Variants in MUC6 observed in about 807,000 individuals in gnomAD.
MUC6 encodes mucin-6.
MUC6 carries 188 observed loss-of-function variants against 201.5 expected under a neutral mutation model. The observed-to-expected ratio is 0.93, with a 90% CI of 0.83 to 1.05. MUC6 has a LOEUF of 1.05. Ranked by LOEUF, MUC6 falls within the 50% of genes least tolerant of loss-of-function variation. The pLI is 0.00. For synonymous variants in MUC6, 1,228 were observed against 1,389.4 expected, an observed-to-expected ratio of 0.88 and a Z score of 2.58; for missense variants, 2,706 against 3,256.9, an observed-to-expected ratio of 0.83 and a Z score of 4.12.
At chr11:1,019,054 G>A (rs1480979827) in intron 30 of MUC6, among the ~76,000 whole-genome samples, 1 of 152,258 alleles carries the variant, frequency 6.6e-6, no homozygotes, top group Non-Finnish European at 1.5e-5. Flanking sequence ...TGTGGCCGTG[G>A]TGGTGGCCCC....
Position 1,033,005 on chromosome 11 carries a change from G to A in MUC6, c.115+8C>T, listed in dbSNP as rs567803308. The A allele has an allele frequency of 5.7e-6, 9 of 1,588,376 alleles. No individual in the cohort carries two copies. The highest frequency in any genetic ancestry group is 2.6e-6 in the Non-Finnish European group (3 of 1,160,680). On this transcript the variant is annotated splice_region_variant and intron_variant, in intron 2 of 32. Coordinates refer to ENST00000421673, the MANE Select transcript of MUC6 (RefSeq NM_005961.3). The surrounding 1 kb of genome is among the most constrained non-coding windows in gnomAD (Gnocchi z 5.6). ...GGGCGGCAGGATCAGTGGCCGCTGT[G>A]TTCTTACCTGTCTGTGGAGAGTCCT... is the stretch of plus-strand genomic sequence containing the variant.
rs369767214 is a variant in MUC6, at chr11:1,018,764, G to A, written c.4037C>T (p.Ser1346Leu). 1.1e-5 allele frequency: 17 copies of A among 1,559,524 alleles called. No individual in the cohort carries two copies. The highest frequency in any genetic ancestry group is 2.3e-5 in the East Asian group (1 of 44,368). The stretch of plus-strand genomic sequence containing the variant: ...TGTTCCTGGCAGTTCCTGATTGGTC[G>A]ATTTTGCTGTGGGAATTGGTGAAGT... ...TSGTSPTLPK[S>L]TNQELPGTTA... is the part of the protein sequence containing the mutation. Residue 1346 changes from serine to leucine, a missense_variant, in exon 31 of 33, where the codon TCG (serine) becomes TTG (leucine). By Grantham distance (145) the Ser-to-Leu change is moderately radical. This residue lies in a region of MUC6 where 1,850 missense variants were observed against 1,958.3 expected (regional missense o/e 0.94). Coordinates refer to ENST00000421673, the MANE Select transcript of MUC6 (RefSeq NM_005961.3).
chr11:1,031,268 G>A lies in MUC6; in HGVS notation c.484-9C>T. On this transcript the variant is annotated splice_polypyrimidine_tract_variant and intron_variant, in intron 4 of 32. Transcript: ENST00000421673. ...TTCCGCTCCACCAGAACCTGCGGGA[G>A]ACGGCTCTGCTGGGGGCCCGGGGGC... 6.4e-7 allele frequency: 1 copy of A among 1,558,876 alleles called. No individual in the cohort carries two copies. The highest frequency in any genetic ancestry group is 2.4e-5 in the East Asian group (1 of 41,326).
At chr11:1,015,629 T>G in intron 31 of MUC6, 133 bp downstream of exon 31, 3 of 1,372,300 alleles carry the variant, frequency 2.2e-6, no homozygotes, top group Non-Finnish European at 1.9e-6. Flanking sequence ...CTGGCAGGTG[T>G]GTAGGGAAGG....
intron 18 of MUC6, 35 bp downstream of exon 18, chr11:1,027,106 C>G (rs1458156396): frequency 6.2e-7 from 1 of 1,611,408 alleles, no homozygotes; most frequent in Non-Finnish European, 8.5e-7. Flanking sequence ...GGGCCCCTCA[C>G]AGTCCCAGCC....
intron 26 of MUC6, 90 bp from the exon 27 acceptor site, chr11:1,021,367 G>C: frequency 1.7e-6 from 1 of 605,814 alleles, no homozygotes; most frequent in South Asian, 3.6e-5. Context: ...CTTCCTCTCT[G>C]CTTTTTTTTT....
Position 1,027,413 on chromosome 11 carries a change from C to T in MUC6, c.2086G>A (p.Val696Met), listed in dbSNP as rs368253825. 45 of 1,612,714 alleles carry T rather than the reference C, an allele frequency of 2.8e-5. No individual in the cohort carries two copies. The African/African-American group carries it at 4.3e-4, about 15-fold the overall frequency. ...DRATECHHSA[V>M]PVDGCNCPDG... ...GGGCAGTTGCAACCGTCCACGGGCA[C>T]GGCGCTGTGGTGGCACTCGGTGGCA... The change falls in exon 17 of 33, where the codon GTG (valine) becomes ATG (methionine). Residue 696 changes from valine to methionine, a missense_variant. Around this residue, in one of 10 missense-constraint regions of MUC6, gnomAD observed 1,850 missense variants for 1,958.3 expected, o/e 0.94. Transcript: ENST00000421673.
At chr11:1,020,832 A>AC in intron 27 of MUC6, 98 bp from the exon 28 acceptor site, 1 of 1,459,030 alleles carries the variant, frequency 6.9e-7, no homozygotes, top group Non-Finnish European at 9.4e-7. Flanking sequence ...GATGCTCACC[A>AC]AGGCTGTGGT....
chr11:1,014,217 CTG>C (rs1856549785), intron 31 of MUC6, among the ~76,000 whole-genome samples: 1 of 152,274 alleles, frequency 6.6e-6, no homozygotes, highest in Admixed American at 6.5e-5. Context: ...CAAAGTCGCT[CTG>C]CTGGAGTCCA....
Position 1,031,604 on chromosome 11 carries a change from C to T in MUC6, c.483+3G>A, listed in dbSNP as rs1439766948. The T allele has an allele frequency of 6.5e-7, 1 of 1,547,638 alleles. No individual in the cohort carries two copies. The highest frequency in any genetic ancestry group is 1.2e-5 in the South Asian group (1 of 83,996). ...AGGCCCACCCTGGCCCTTCTCTCCT[C>T]ACCATGAGGTGGCTGTCAGGACCCC... On this transcript the variant is annotated splice_donor_region_variant and intron_variant, in intron 4 of 32. Coordinates refer to ENST00000421673, the MANE Select transcript of MUC6 (RefSeq NM_005961.3).
In MUC6 at chr11:1,013,471, C is replaced by A; in HGVS notation, c.7305G>T (p.Val2435=). Residue 2435 remains valine (V), a synonymous_variant, in exon 33 of 33, where the codon GTG becomes GTT. Coordinates refer to ENST00000421673, the MANE Select transcript of MUC6 (RefSeq NM_005961.3). ...AGCGACCCTGCTAGTCTCCACAGGC[C>A]ACAGAGCTGCACACGCAGTGGCTGA... is the stretch of plus-strand genomic sequence containing the variant. ...QVFSHCVCSS[V]ACGD is the part of the protein sequence containing the mutation. 6.3e-7 allele frequency: 1 copy of A among 1,583,216 alleles called. No individual in the cohort carries two copies. Among genetic ancestry groups the A allele is most frequent in the Non-Finnish European group, 8.6e-7 (1 of 1,166,242 alleles).
rs1443936143 is a variant in MUC6 at position 1,013,405 on chromosome 11, C to T, written c.*51G>A. The T allele has an allele frequency of 2.7e-6, 4 of 1,499,860 alleles. 1 individual carries two copies. The South Asian group carries it at 5.1e-5, about 19-fold the overall frequency. The allele number at this position is 1,499,860 out of a possible 1,614,324, so 92.9% of individuals were successfully genotyped here. On this transcript the variant is annotated 3_prime_UTR_variant, in exon 33 of 33. Transcript: ENST00000421673. The stretch of plus-strand genomic sequence containing the variant: ...GGGAAGGGGGCTGGTGGGTGTTTTC[C>T]TGTCTGTCATCTGCAGTCCTTCAGC...
In MUC6 at chr11:1,031,379, C is replaced by T. The variant is rs1000002702; in HGVS notation, c.484-120G>A. The stretch of plus-strand genomic sequence containing the variant: ...CACCATCCCCCCACCTGCTCATCTG[C>T]CTCTTCTTATGGGAGGCTAATTTTC... On this transcript the variant is annotated intron_variant, in intron 4 of 32. Transcript: ENST00000421673. 11 of 1,179,588 alleles carry T rather than the reference C, an allele frequency of 9.3e-6. No individual in the cohort carries two copies. In the African/African-American group the frequency reaches 1.1e-4, roughly 12 times the overall value. 73.1% of individuals were successfully genotyped at this position (1,179,588 alleles called of 1,614,324 possible).
chr11:1,028,934 C>T lies in MUC6; in HGVS notation c.1408G>A (p.Val470Met), dbSNP rs1407422975. Reference protein sequence around the residue: ...QDKIVISQDEVVTNNGEAKWL... With the variant: ...QDKIVISQDEMVTNNGEAKWL... ...TTGGCTTCTCCGTTGTTGGTGACCA[C>T]CTCGTCCTGAGAGATCACAATTTTG... The change falls in exon 12 of 33, where the codon GTG (valine) becomes ATG (methionine). Residue 470 changes from valine to methionine, a missense_variant. This residue lies in a region of MUC6 where 1,850 missense variants were observed against 1,958.3 expected (regional missense o/e 0.94). Coordinates refer to ENST00000421673, the MANE Select transcript of MUC6 (RefSeq NM_005961.3). The T allele has an allele frequency of 6.2e-7, 1 of 1,613,074 alleles. No homozygotes were observed. Among genetic ancestry groups the T allele is most frequent in the Non-Finnish European group, 8.5e-7 (1 of 1,179,896 alleles).
intron 3 of MUC6, 23 bp from the exon 4 acceptor site, chr11:1,031,756 G>A: frequency 3.9e-6 from 6 of 1,550,222 alleles, no homozygotes; most frequent in South Asian, 1.2e-5. Context: ...GGAAGTCGGT[G>A]GTCGATCCTC....
At chr11:1,019,573 C>G (rs1856762825) in intron 29 of MUC6, 77 bp from the exon 30 acceptor site, 3 of 1,353,670 alleles carry the variant, frequency 2.2e-6, no homozygotes, top group Non-Finnish European at 3.1e-6. Flanking sequence ...GCCCCCTGCC[C>G]TGCTTCTGGG....
chr11:1,029,655 C>T lies in MUC6; in HGVS notation c.1016-40G>A, dbSNP rs774765627. 7 of 1,526,064 alleles carry T rather than the reference C, an allele frequency of 4.6e-6. No individual in the cohort carries two copies. The African/African-American group carries it at 8.3e-5, about 18-fold the overall frequency. The allele number at this position is 1,526,064 out of a possible 1,614,324, so 94.5% of individuals were successfully genotyped here. A position where few individuals can be genotyped will look rare whatever the true frequency, so the allele number is the denominator to read the frequency against. On this transcript the variant is annotated intron_variant, in intron 8 of 32. Coordinates refer to ENST00000421673, the MANE Select transcript of MUC6 (RefSeq NM_005961.3). ...CTTCTTGGGGCTTGGGTGGGACTGACTGCCTCCCACTCTCCCCTCCCTGGC... is the reference window on the plus strand; with the variant it reads ...CTTCTTGGGGCTTGGGTGGGACTGATTGCCTCCCACTCTCCCCTCCCTGGC...
rs377413633 is a variant in MUC6 at position 1,030,599 on chromosome 11, C to T, written c.866G>A (p.Arg289His). Residue 289 changes from arginine to histidine, a missense_variant, in exon 7 of 33, where the codon CGC becomes CAC. Arg to His is a conservative substitution (Grantham distance 29). Transcript: ENST00000421673. ...GCACAGGCCGGGGCTCCGCCAGCGG[C>T]GGACCGGCTGGCCCACCATGCTGCA... ...RQCSMVGQPV[R>H]RWRSPGLCSV... 2.2e-5 allele frequency: 34 copies of T among 1,529,708 alleles called. No individual in the cohort carries two copies. The highest frequency in any genetic ancestry group is 7.4e-5 in the South Asian group (6 of 81,348). The allele number at this position is 1,529,708 out of a possible 1,614,324, so 94.8% of individuals were successfully genotyped here. A position where few individuals can be genotyped will look rare whatever the true frequency, so the allele number is the denominator to read the frequency against.
Position 1,029,109 on chromosome 11 carries a change from G to T in MUC6, c.1317C>A (p.Tyr439Ter). 1 of 1,612,498 alleles carries T rather than the reference G, an allele frequency of 6.2e-7. No homozygotes were observed. ...LPEDGALMAV[Y>*]DKSGVSHSET... ...CGGAGTGTGAGACGCCGGACTTGTC[G>T]TACACAGCCATGAGGGCACCGTCCT... is the stretch of plus-strand genomic sequence containing the variant. The change falls in exon 11 of 33, where the codon TAC (tyrosine) becomes TAA (stop). Residue 439 changes from tyrosine (Y) to a stop codon, truncating the protein, a stop_gained. Coordinates refer to ENST00000421673, the MANE Select transcript of MUC6 (RefSeq NM_005961.3). LOFTEE classifies it high-confidence loss of function.
Sources: gnomAD v4.1 joint callset for allele counts (sites outside exome capture counted in the v4.1 genomes callset) on GRCh38, gnomAD v4.1.1 for gene constraint, gnomAD v4.1.1 regional missense constraint, Gnocchi (gnomAD v3.1) non-coding constraint, MANE v1.5 for transcripts, NCBI Gene and HGNC (gene_info 2026-07-23, HGNC 2026-07-21) for gene names.